Variants in ARSG observed in about 807,000 individuals in gnomAD.
ARSG encodes arylsulfatase G.
In ARSG, 37 loss-of-function variants were observed where a neutral mutation model predicts 50.5. The observed-to-expected ratio is 0.73, with a 90% CI of 0.56 to 0.96. ARSG has a LOEUF of 0.96. ARSG is among the 50% of genes least tolerant of loss of function. The pLI is 0.00. For missense variants in ARSG, 629 were observed against 675.3 expected (o/e 0.93, Z 0.76); for synonymous variants, 225 against 254.6 (o/e 0.88, Z 1.11).
chr17:68,428,789 A>C, the ARSG span: 2 of 1,498,706 alleles, frequency 1.3e-6, no homozygotes, highest in Non-Finnish European at 1.9e-6. Context: ...CTACACGACC[A>C]GCTCTCGAAA....
chr17:68,403,467 G>C (rs542135811), intron 11 of ARSG, among the ~76,000 whole-genome samples: 2 of 152,346 alleles, frequency 1.3e-5, no homozygotes, highest in South Asian at 4.1e-4. Context: ...ACTGGGAATA[G>C]GATGAAACAG....
chr17:68,351,913 C>G (rs144013678), intron 5 of ARSG, among the ~76,000 whole-genome samples: 39 of 152,286 alleles, frequency 2.6e-4, no homozygotes, highest in African/African-American at 9.1e-4. Flanking sequence ...ACAGGTTCCT[C>G]AGACTATTGA....
intron 3 of ARSG, chr17:68,346,874 G>C (rs1160233382): frequency 7.0e-7 from 1 of 1,431,250 alleles, no homozygotes; most frequent in Non-Finnish European, 9.3e-7. Flanking sequence ...CCGGGCTCCT[G>C]GTGATGGGCT....
chr17:68,336,714 A>ATGG (rs1265038588), intron 2 of ARSG, among the ~76,000 whole-genome samples: 1 of 152,054 alleles, frequency 6.6e-6, no homozygotes, highest in Non-Finnish European at 1.5e-5. Flanking sequence ...TTAGCTGAGC[A>ATGG]TGGTGGCGTG....
At chr17:68,450,649 T>A in the ARSG span, 1 of 1,506,282 alleles carries the variant, frequency 6.6e-7, no homozygotes, top group South Asian at 1.3e-5. Context: ...TTACAGACAT[T>A]GATCTTGAAA....
intron 5 of ARSG, among the ~76,000 whole-genome samples, chr17:68,355,009 T>C (rs2078969546): frequency 6.6e-6 from 1 of 152,242 alleles, no homozygotes; most frequent in Non-Finnish European, 1.5e-5. Context: ...CCCAGCACTA[T>C]TAGGATGACG....
chr17:68,357,578 C>T lies in ARSG; in HGVS notation c.704+774C>T, dbSNP rs115805973. ...CTCTTTTGCCATATACCGTAACATT[C>T]ACAGATTCCAGGAATTAGACCCTGC... On this transcript the variant is annotated intron_variant, in intron 6 of 11. Transcript: ENST00000621439. Among the ~76,000 whole-genome samples the T allele has an allele frequency of 3.4e-3, 521 of 152,330 alleles. 3 individuals carry two copies. The highest frequency in any genetic ancestry group is 0.012 in the African/African-American group (503 of 41,576).
chr17:68,420,171 T>G lies in ARSG; in HGVS notation c.1304-18T>G, dbSNP rs2082680426. On this transcript the variant is annotated intron_variant, in intron 11 of 11. Transcript: ENST00000621439. ...ACTGTCAGGGTTAGCGAGGCATTTGTTGTCATTCCCTCTCTAGGTGGAGCC... is the reference window on the plus strand; with the variant it reads ...ACTGTCAGGGTTAGCGAGGCATTTGGTGTCATTCCCTCTCTAGGTGGAGCC... The G allele has an allele frequency of 6.2e-7, 1 of 1,612,306 alleles. No homozygotes were observed. The highest frequency in any genetic ancestry group is 8.5e-7 in the Non-Finnish European group (1 of 1,179,116).
At chr17:68,352,475 G>A (rs913499648) in intron 5 of ARSG, among the ~76,000 whole-genome samples, 5 of 151,304 alleles carry the variant, frequency 3.3e-5, no homozygotes, top group African/African-American at 7.3e-5. Context: ...AATCTCTCTG[G>A]TCGTGGGACT....
intron 11 of ARSG, among the ~76,000 whole-genome samples, chr17:68,403,728 C>T (rs551294823): frequency 8.5e-5 from 13 of 152,120 alleles, no homozygotes; most frequent in African/African-American, 2.7e-4. Context: ...TATTATTATA[C>T]TTTAAGTTCT....
intron 2 of ARSG, among the ~76,000 whole-genome samples, chr17:68,332,651 T>C (rs1302148566): frequency 2.0e-5 from 3 of 152,190 alleles, no homozygotes; most frequent in African/African-American, 4.8e-5. Flanking sequence ...TGTTCAGAGA[T>C]TGCAGTAAAG....
At chr17:68,280,730 A>G (rs2075667851) in intron 1 of ARSG, among the ~76,000 whole-genome samples, 1 of 152,248 alleles carries the variant, frequency 6.6e-6, no homozygotes, top group African/African-American at 2.4e-5. Context: ...TGTCTGAGGA[A>G]AGATTTTTAT....
intron 11 of ARSG, among the ~76,000 whole-genome samples, chr17:68,414,708 G>A (rs1162233803): frequency 2.6e-5 from 4 of 152,054 alleles, no homozygotes; most frequent in Non-Finnish European, 5.9e-5. Flanking sequence ...TTTTAATCTC[G>A]CTGCTTGTTA....
At chr17:68,428,933 G>A in the ARSG span, 1 of 1,612,820 alleles carries the variant, frequency 6.2e-7, no homozygotes, top group Non-Finnish European at 8.5e-7. Flanking sequence ...GCAACTTCTG[G>A]ATCCTAAGGG....
the ARSG span, chr17:68,436,302 A>G: frequency 2.3e-6 from 3 of 1,316,344 alleles, no homozygotes; most frequent in Non-Finnish European, 3.3e-6. Flanking sequence ...CCCCGACGGC[A>G]GGGCGTCCTT....
At chr17:68,351,231 T>TA (rs919937446) in intron 4 of ARSG, among the ~76,000 whole-genome samples, 3 of 152,152 alleles carry the variant, frequency 2.0e-5, no homozygotes, top group Non-Finnish European at 2.9e-5. Flanking sequence ...GTTTTTTTTT[T>TA]ATCCCTTAAA....
downstream of ARSG, chr17:68,427,702 A>G (rs1287653724): frequency 1.9e-5 from 3 of 158,778 alleles, no homozygotes; most frequent in South Asian, 1.8e-4. Context: ...ACACACCGTC[A>G]AAATGGCCTC....
intron 5 of ARSG, among the ~76,000 whole-genome samples, chr17:68,355,810 G>A (rs1231171195): frequency 6.6e-6 from 1 of 150,914 alleles, no homozygotes; most frequent in African/African-American, 2.4e-5. Context: ...TCCAACTGCT[G>A]AAGTTTCTCC....
At chr17:68,313,679 C>CTTTTTTT (rs1464951846) in intron 2 of ARSG, among the ~76,000 whole-genome samples, 3 of 40,776 alleles carry the variant, frequency 7.4e-5, no homozygotes, top group Non-Finnish European at 1.8e-4. Flanking sequence ...ATCTCTCTCT[C>CTTTTTTT]TCTCTTTTTT....
Sources: allele counts gnomAD v4.1 joint callset (sites outside exome capture counted in the v4.1 genomes callset), GRCh38; gene constraint gnomAD v4.1.1; transcripts MANE v1.5; gene names NCBI Gene and HGNC (gene_info 2026-07-23, HGNC 2026-07-21).